NAE1: variants seen among roughly 807,000 people sequenced by gnomAD.
The protein encoded by NAE1 is NEDD8-activating enzyme E1 regulatory subunit.
A neutral mutation model predicts 88.0 loss-of-function variants in NAE1; 59 were observed. That is an observed-to-expected ratio of 0.67 (90% CI 0.54 to 0.83). The LOEUF is 0.83. Ranked by LOEUF, NAE1 falls within the 40% of genes least tolerant of loss-of-function variation. NAE1 has a pLI of 0.00. For missense variants in NAE1, 554 were observed against 632.8 expected, an observed-to-expected ratio of 0.88 and a Z score of 1.34; for synonymous variants, 186 against 208.9, an observed-to-expected ratio of 0.89 and a Z score of 0.95.
chr16:66,821,717 C>T (rs1420283395), intron 6 of NAE1, among the ~76,000 whole-genome samples, 158 bp from the exon 7 acceptor site: 1 of 152,216 alleles, frequency 6.6e-6, no homozygotes, highest in Non-Finnish European at 1.5e-5. Flanking sequence ...CAAGAACACA[C>T]TGAAAAGCAA....
intron 16 of NAE1, 185 bp from the exon 17 acceptor site, chr16:66,808,798 G>C (rs1003372687): frequency 1.6e-6 from 1 of 610,726 alleles, no homozygotes; most frequent in Non-Finnish European, 2.8e-6. Flanking sequence ...ACCTAAATAT[G>C]ACTTTATGCA....
chr16:66,821,670 G>T, intron 6 of NAE1, 111 bp from the exon 7 acceptor site: 1 of 878,698 alleles, frequency 1.1e-6, no homozygotes, highest in Non-Finnish European at 1.6e-6. Flanking sequence ...CTAAATAATA[G>T]ATGCAAAGGT....
intron 18 of NAE1, 40 bp downstream of exon 18, chr16:66,805,872 G>A: frequency 6.3e-7 from 1 of 1,593,782 alleles, no homozygotes. Context: ...CCTTATGACA[G>A]GTGTGGAATC....
intron 17 of NAE1, among the ~76,000 whole-genome samples, chr16:66,808,270 T>G (rs964013465): frequency 6.6e-6 from 1 of 152,104 alleles, no homozygotes; most frequent in African/African-American, 2.4e-5. Context: ...CTATGGAAAA[T>G]GACAGAAAAA....
rs1249640210 is a variant in NAE1, at chr16:66,830,926, C to G, written c.-27G>C. ...GCCGCGCCTGCCGCGCGGAAAACAG[C>G]CGAGCCCCTGCGGAGCGCCGCCACC... is the stretch of plus-strand genomic sequence containing the variant. On this transcript the variant is annotated 5_prime_UTR_variant, in exon 1 of 20. Transcript: ENST00000290810. 1.3e-6 allele frequency: 2 copies of G among 1,516,012 alleles called. No homozygotes were observed. The highest frequency in any genetic ancestry group is 1.8e-6 in the Non-Finnish European group (2 of 1,140,558). 93.9% of individuals were successfully genotyped at this position (1,516,012 alleles called of 1,614,324 possible). A position where few individuals can be genotyped will look rare whatever the true frequency, so the allele number is the denominator to read the frequency against.
In NAE1 at chr16:66,823,539, A is replaced by G; in HGVS notation, c.311T>C (p.Phe104Ser). Reference sequence around the variant, plus strand: ...TGTGTACATATATACCTCTTCCACAAAACTTCCAGAGACATCGCTATTTAA... The same window carrying G: ...TGTGTACATATATACCTCTTCCACAGAACTTCCAGAGACATCGCTATTTAA... The part of the protein sequence containing the change: ...QELNSDVSGS[F>S]VEESPENLLD... The change falls in exon 5 of 20, where the codon TTT (phenylalanine) becomes TCT (serine). Residue 104 changes from phenylalanine to serine, a missense_variant. Physicochemically the swap from Phe to Ser is radical, Grantham distance 155. Transcript: ENST00000290810. 6.2e-7 allele frequency: 1 copy of G among 1,611,820 alleles called. No individual in the cohort carries two copies. The highest frequency in any genetic ancestry group is 8.5e-7 in the Non-Finnish European group (1 of 1,179,214).
chr16:66,810,299 T>TCC, intron 15 of NAE1, 75 bp downstream of exon 15: 1 of 1,256,952 alleles, frequency 8.0e-7, no homozygotes, highest in Non-Finnish European at 1.1e-6. Context: ...TTTCAACCAT[T>TCC]CAAAATACCT....
intron 9 of NAE1, 177 bp from the exon 10 acceptor site, chr16:66,817,205 C>T (rs961404923): frequency 1.1e-6 from 1 of 941,428 alleles, no homozygotes. Flanking sequence ...ACATTCATTC[C>T]CCCTGCCAGT....
intron 19 of NAE1, among the ~76,000 whole-genome samples, chr16:66,803,889 A>G (rs1959453993): frequency 6.6e-6 from 1 of 152,152 alleles, no homozygotes; most frequent in Non-Finnish European, 1.5e-5. Context: ...CACCGCGCTC[A>G]GCCGACTGGA....
At chr16:66,814,685 C>T (rs895243550) in intron 11 of NAE1, among the ~76,000 whole-genome samples, 1 of 151,900 alleles carries the variant, frequency 6.6e-6, no homozygotes, top group African/African-American at 2.4e-5. Flanking sequence ...TCAGTGGGAC[C>T]TCCTAACTGC....
chr16:66,813,593 A>C lies in NAE1; in HGVS notation c.1005T>G (p.Asp335Glu). ...VRGTIPDMIA[D>E]SGKYIKLQNV... ...TTTGCAGTTTTATATATTTGCCTGA[A>C]TCTGCAATCATATCAGGAATTGTGC... is the stretch of plus-strand genomic sequence containing the variant. Residue 335 changes from aspartate to glutamate, a missense_variant, in exon 13 of 20, where the codon GAT (aspartate) becomes GAG (glutamate). Asp to Glu is a conservative substitution (Grantham distance 45). Transcript: ENST00000290810. 1.9e-6 allele frequency: 3 copies of C among 1,613,262 alleles called. No individual in the cohort carries two copies. The highest frequency in any genetic ancestry group is 2.5e-6 in the Non-Finnish European group (3 of 1,179,692).
chr16:66,815,930 T>C (rs971459510), intron 11 of NAE1, among the ~76,000 whole-genome samples: 1 of 152,024 alleles, frequency 6.6e-6, no homozygotes, highest in African/African-American at 2.4e-5. Context: ...CCCAAAAGTG[T>C]TGGGATTACA....
intron 17 of NAE1, 121 bp downstream of exon 17, chr16:66,808,400 G>T: frequency 4.2e-6 from 3 of 714,032 alleles, no homozygotes; most frequent in Non-Finnish European, 2.3e-6. Flanking sequence ...AACGTTTGGG[G>T]TGTAATCTGT....
chr16:66,804,004 CAAGAGA>C (rs1959459278), intron 19 of NAE1, among the ~76,000 whole-genome samples: 1 of 151,786 alleles, frequency 6.6e-6, no homozygotes. Context: ...TTTTTAGCAG[CAAGAGA>C]GAGAGAATTT....
intron 10 of NAE1, 86 bp downstream of exon 10, chr16:66,816,879 A>G: frequency 1.3e-6 from 2 of 1,531,904 alleles, no homozygotes; most frequent in Non-Finnish European, 1.7e-6. Context: ...CATCTGACAA[A>G]GGTGTTAACA....
At chr16:66,806,573 C>T (rs910827110) in intron 17 of NAE1, among the ~76,000 whole-genome samples, 4 of 152,042 alleles carry the variant, frequency 2.6e-5, no homozygotes, top group Admixed American at 1.3e-4. Flanking sequence ...TACAGGAGTG[C>T]GCCACCACAC....
At chr16:66,830,325 G>T (rs1597054104) in intron 1 of NAE1, among the ~76,000 whole-genome samples, 1 of 152,354 alleles carries the variant, frequency 6.6e-6, no homozygotes, top group Middle Eastern at 3.4e-3. Flanking sequence ...ATATTGTGTT[G>T]AAATAGTAAT....
At chr16:66,804,192 G>A (rs975333054) in intron 19 of NAE1, among the ~76,000 whole-genome samples, 4 of 148,504 alleles carry the variant, frequency 2.7e-5, no homozygotes, top group Non-Finnish European at 4.5e-5. Context: ...GAAGTGAAGG[G>A]ATATAATGGC....
intron 6 of NAE1, 28 bp downstream of exon 6, chr16:66,823,199 A>C (rs760069908): frequency 3.6e-6 from 5 of 1,387,642 alleles, no homozygotes; most frequent in Admixed American, 2.0e-5. Context: ...TAAGATTAAA[A>C]TAAAAACATA....
Sources: allele counts gnomAD v4.1 joint callset (sites outside exome capture counted in the v4.1 genomes callset), GRCh38; gene constraint gnomAD v4.1.1; transcripts MANE v1.5; gene names NCBI Gene and HGNC (gene_info 2026-07-23, HGNC 2026-07-21).